PACSIN2: variants seen among roughly 807,000 people sequenced by gnomAD.
The protein encoded by PACSIN2 is protein kinase C and casein kinase substrate in neurons protein 2.
PACSIN2 carries 25 observed loss-of-function variants against 63.8 expected under a neutral mutation model. That is an observed-to-expected ratio of 0.39 (90% CI 0.29 to 0.55). The LOEUF (loss-of-function observed/expected upper bound fraction) is 0.55, where lower values mean the gene tolerates loss of function less well. Among genes scored for constraint, PACSIN2 ranks in the 20% least tolerant of loss-of-function variants. The pLI is 0.62. For synonymous variants in PACSIN2, 255 were observed against 256.2 expected (o/e 1.00, Z 0.05); for missense variants, 518 against 646.9 (o/e 0.80, Z 2.16).
intron 1 of PACSIN2, among the ~76,000 whole-genome samples, chr22:42,971,577 G>A (rs1026248459): frequency 3.3e-5 from 5 of 151,696 alleles, no homozygotes; most frequent in South Asian, 4.2e-4. Context: ...CCCTCTGCCC[G>A]GCCACCCAGT....
At chr22:42,927,454 G>A (rs1452949916) in intron 1 of PACSIN2, among the ~76,000 whole-genome samples, 1 of 152,146 alleles carries the variant, frequency 6.6e-6, no homozygotes, top group African/African-American at 2.4e-5. Context: ...TCGCCATGTT[G>A]GCCAGGCTGG....
intron 1 of PACSIN2, among the ~76,000 whole-genome samples, chr22:42,979,447 A>G (rs1438800618): frequency 6.8e-6 from 1 of 146,100 alleles, no homozygotes; most frequent in African/African-American, 2.6e-5. Flanking sequence ...TCACTTGAAC[A>G]TGGGAGGTGG....
At chr22:42,883,441 G>A (rs1356512194) in intron 6 of PACSIN2, among the ~76,000 whole-genome samples, 1 of 152,190 alleles carries the variant, frequency 6.6e-6, no homozygotes, top group African/African-American at 2.4e-5. Flanking sequence ...ATCCCTACAC[G>A]GTTCTGCTAG....
At chr22:42,926,217 G>T (rs1489903255) in intron 1 of PACSIN2, among the ~76,000 whole-genome samples, 1 of 152,140 alleles carries the variant, frequency 6.6e-6, no homozygotes, top group Non-Finnish European at 1.5e-5. Flanking sequence ...TCAACAACGG[G>T]AAACAGCTTG....
intron 1 of PACSIN2, among the ~76,000 whole-genome samples, chr22:42,919,788 A>G (rs1173642584): frequency 2.8e-5 from 4 of 141,112 alleles, no homozygotes; most frequent in Admixed American, 1.4e-4. Context: ...AAAAAAAAAA[A>G]AAAAAAAAAG....
chr22:42,993,887 T>G (rs1923218317), intron 1 of PACSIN2: 1 of 152,194 alleles, frequency 6.6e-6, no homozygotes, highest in African/African-American at 2.4e-5. Flanking sequence ...GCCCAAAAGG[T>G]TCCTGAAGCA....
chr22:42,971,840 A>AGACCCCGCCCGGCCAGCCGCCCCGTCG, intron 1 of PACSIN2, among the ~76,000 whole-genome samples: 1 of 30,802 alleles, frequency 3.2e-5, no homozygotes, highest in Non-Finnish European at 6.0e-5. Flanking sequence ...CCCGTCCGGG[A>AGACCCCGCCCGGCCAGCCGCCCCGTCG]GGGAGGTGGG....
intron 1 of PACSIN2, among the ~76,000 whole-genome samples, chr22:42,934,912 CT>C (rs1446990406): frequency 6.7e-6 from 1 of 150,304 alleles, no homozygotes. Flanking sequence ...TTCTTTCTTC[CT>C]TTTTCTTTTT....
intron 1 of PACSIN2, among the ~76,000 whole-genome samples, chr22:43,004,149 T>C (rs1923942097): frequency 6.6e-6 from 1 of 152,152 alleles, no homozygotes; most frequent in African/African-American, 2.4e-5. Flanking sequence ...GTGAAATGAG[T>C]GTGGGCTTCG....
chr22:42,997,181 T>C (rs988987314), intron 1 of PACSIN2, among the ~76,000 whole-genome samples: 7 of 152,244 alleles, frequency 4.6e-5, no homozygotes, highest in Admixed American at 6.5e-5. Context: ...TGTAAGATCA[T>C]GGACTACGTT....
At chr22:42,968,836 A>T (rs894630405) in intron 1 of PACSIN2, among the ~76,000 whole-genome samples, 2 of 152,328 alleles carry the variant, frequency 1.3e-5, no homozygotes, top group South Asian at 4.1e-4. Context: ...CTGGACTTAT[A>T]CCAGCGGCCC....
chr22:42,888,979 G>C (rs1929699563), intron 4 of PACSIN2, among the ~76,000 whole-genome samples, 181 bp from the exon 5 acceptor site: 1 of 152,212 alleles, frequency 6.6e-6, no homozygotes. Context: ...CATATTCATG[G>C]AGTACTTGCT....
intron 1 of PACSIN2, among the ~76,000 whole-genome samples, chr22:42,966,143 A>T (rs1440765679): frequency 6.6e-6 from 1 of 152,190 alleles, no homozygotes; most frequent in Non-Finnish European, 1.5e-5. Context: ...AGGCTGAGGC[A>T]GGCGGATCAC....
chr22:42,911,200 G>A (rs1031614737), intron 2 of PACSIN2, among the ~76,000 whole-genome samples: 6 of 151,942 alleles, frequency 3.9e-5, no homozygotes, highest in African/African-American at 1.5e-4. Context: ...CACTGCGCCC[G>A]GCCATGCAAA....
At chr22:42,877,865 C>T (rs112212597) in intron 8 of PACSIN2, among the ~76,000 whole-genome samples, 30 of 152,304 alleles carry the variant, frequency 2.0e-4, no homozygotes, top group African/African-American at 7.2e-4. Flanking sequence ...GGGCACAGGC[C>T]CCCAAAGCAC....
At chr22:42,994,863 A>G (rs1923294412) in intron 1 of PACSIN2, among the ~76,000 whole-genome samples, 1 of 152,188 alleles carries the variant, frequency 6.6e-6, no homozygotes, top group South Asian at 2.1e-4. Flanking sequence ...CAGCGAATGC[A>G]GCTGCCTCTT....
At chr22:42,913,494 AAAAAAAAAAAG>A (rs1266258638) in intron 1 of PACSIN2, among the ~76,000 whole-genome samples, 2 of 151,532 alleles carry the variant, frequency 1.3e-5, no homozygotes, top group African/African-American at 4.8e-5. Flanking sequence ...AAAAAAAAAA[AAAAAAAAAAAG>A]AGAGACACTA....
At chr22:42,998,948 C>T (rs1374950384) in intron 1 of PACSIN2, among the ~76,000 whole-genome samples, 1 of 152,126 alleles carries the variant, frequency 6.6e-6, no homozygotes, top group African/African-American at 2.4e-5. Context: ...ATCACCTTCC[C>T]ACTCCATCCC....
chr22:42,877,999 G>C (rs578136606), intron 8 of PACSIN2, among the ~76,000 whole-genome samples: 1 of 152,234 alleles, frequency 6.6e-6, no homozygotes, highest in Non-Finnish European at 1.5e-5. Context: ...CTTCAGCCTG[G>C]CAAGTGGTAC....
Sources: allele counts gnomAD v4.1 joint callset (sites outside exome capture counted in the v4.1 genomes callset), GRCh38; gene constraint gnomAD v4.1.1; transcripts MANE v1.5; gene names NCBI Gene and HGNC (gene_info 2026-07-23, HGNC 2026-07-21).